Variants in ANK3 observed in about 807,000 individuals in gnomAD.
ANK3 encodes ankyrin 3, also known as ankyrin-3.
A neutral mutation model predicts 370.9 loss-of-function variants in ANK3; 57 were observed. The observed-to-expected ratio is 0.15, with a 90% CI of 0.12 to 0.19. ANK3 has a LOEUF of 0.19. ANK3 is among the 10% of genes least tolerant of loss of function. The pLI is 1.00. For missense variants in ANK3, 4,439 were observed against 5,302.1 expected, an observed-to-expected ratio of 0.84 and a Z score of 5.06; for synonymous variants, 1,929 against 1,946.3, an observed-to-expected ratio of 0.99 and a Z score of 0.23.
Position 60,075,779 on chromosome 10 carries a change from G to A in ANK3, c.5102C>T (p.Ser1701Leu). Residue 1701 changes from serine (S) to leucine (L), a missense_variant, in exon 37 of 44, where the codon TCA (serine) becomes TTA (leucine). By Grantham distance (145) the Ser-to-Leu change is moderately radical. Coordinates refer to ENST00000280772, the MANE Select transcript of ANK3 (RefSeq NM_020987.5). ...TCCAGGCATCTGCTTCACAGGTGAT[G>A]AGAGAGAAGATGCCATTGTAATTTT... is the stretch of plus-strand genomic sequence containing the variant. ...SAKITMASSL[S>L]SPVKQMPGHA... 6.2e-7 allele frequency: 1 copy of A among 1,614,164 alleles called. No homozygotes were observed.
At chr10:60,264,548 C>G (rs2097851612) in intron 5 of ANK3, among the ~76,000 whole-genome samples, 1 of 149,638 alleles carries the variant, frequency 6.7e-6, no homozygotes. Flanking sequence ...GAGGCTGAGA[C>G]AGAGGAATAG....
intron 18 of ANK3, among the ~76,000 whole-genome samples, chr10:60,177,248 C>A (rs1052862049): frequency 5.3e-5 from 8 of 152,270 alleles, no homozygotes; most frequent in African/African-American, 1.9e-4. Flanking sequence ...TTGGTTTGCG[C>A]CACACTTTTC....
intron 16 of ANK3, among the ~76,000 whole-genome samples, chr10:60,191,673 T>G (rs574965280): frequency 6.6e-6 from 1 of 152,282 alleles, no homozygotes; most frequent in South Asian, 2.1e-4. Flanking sequence ...TAAGGAGATA[T>G]CTCAAAGAAC....
intron 30 of ANK3, chr10:60,086,418 C>A: frequency 2.9e-6 from 1 of 339,922 alleles, no homozygotes; most frequent in Non-Finnish European, 5.2e-6. Context: ...TCTACTAATG[C>A]TAACCTTAAT....
intron 1 of ANK3, among the ~76,000 whole-genome samples, chr10:60,351,279 G>A (rs1234183610): frequency 6.6e-6 from 1 of 152,120 alleles, no homozygotes; most frequent in Non-Finnish European, 1.5e-5. Context: ...TTCTTTGGGG[G>A]CAATCACTCA....
chr10:60,173,869 G>A (rs1040394869), intron 18 of ANK3, among the ~76,000 whole-genome samples: 1 of 152,164 alleles, frequency 6.6e-6, no homozygotes, highest in Non-Finnish European at 1.5e-5. Flanking sequence ...CTCTGTGTGT[G>A]TATATGTGTG....
intron 27 of ANK3, among the ~76,000 whole-genome samples, chr10:60,107,764 C>T (rs970413369): frequency 1.2e-4 from 18 of 152,144 alleles, no homozygotes; most frequent in East Asian, 7.7e-4. Context: ...CACACACATG[C>T]GCACGCGCAC....
chr10:60,409,426 T>TA (rs1178591260), intron 2 of ANK3, among the ~76,000 whole-genome samples: 2 of 152,230 alleles, frequency 1.3e-5, no homozygotes, highest in African/African-American at 4.8e-5. Context: ...ATCATTTGTT[T>TA]AAAAAACAAT....
chr10:60,615,121 T>A, intron 2 of ANK3: 1 of 1,070,746 alleles, frequency 9.3e-7, no homozygotes, highest in South Asian at 1.7e-5. Flanking sequence ...ATGTTTATAA[T>A]TGTAAGAAGA....
intron 43 of ANK3, among the ~76,000 whole-genome samples, chr10:60,036,981 G>A (rs919834234): frequency 1.3e-5 from 2 of 152,158 alleles, no homozygotes; most frequent in Non-Finnish European, 2.9e-5. Context: ...GTCCAAGCCT[G>A]AATGCCTGTC....
At chr10:60,620,110 A>G (rs915466564) in intron 1 of ANK3, among the ~76,000 whole-genome samples, 1 of 152,208 alleles carries the variant, frequency 6.6e-6, no homozygotes, top group African/African-American at 2.4e-5. Context: ...TATAATAACT[A>G]TATACCATCT....
intron 2 of ANK3, among the ~76,000 whole-genome samples, chr10:60,415,281 G>C (rs531667854): frequency 2.0e-5 from 3 of 152,278 alleles, no homozygotes; most frequent in African/African-American, 7.2e-5. Flanking sequence ...CCCAGAGGCC[G>C]AGGGAGGAAA....
chr10:60,715,079 T>C (rs1016126944), intron 1 of ANK3, among the ~76,000 whole-genome samples: 2 of 152,110 alleles, frequency 1.3e-5, no homozygotes, highest in Non-Finnish European at 2.9e-5. Context: ...TGTATGGGGT[T>C]AGGGGAGGTG....
At chr10:60,371,486 TA>T (rs1411761663) in intron 1 of ANK3, among the ~76,000 whole-genome samples, 1 of 152,212 alleles carries the variant, frequency 6.6e-6, no homozygotes, top group African/African-American at 2.4e-5. Context: ...AAGCATGTTT[TA>T]TTTTTTTGTA....
intron 2 of ANK3, among the ~76,000 whole-genome samples, chr10:60,534,258 T>G (rs1892546): frequency 0.71 from 107,810 of 151,972 alleles, 38,346 homozygotes; most frequent in South Asian, 0.88. Flanking sequence ...AGTGCAATGG[T>G]TGGCACGTCC....
At chr10:60,453,762 A>G (rs1003242104) in intron 2 of ANK3, among the ~76,000 whole-genome samples, 1 of 152,124 alleles carries the variant, frequency 6.6e-6, no homozygotes, top group Non-Finnish European at 1.5e-5. Context: ...ACACACACAC[A>G]GAGTGTGTGT....
intron 25 of ANK3, among the ~76,000 whole-genome samples, chr10:60,131,376 G>A (rs1246919700): frequency 6.6e-6 from 1 of 152,178 alleles, no homozygotes; most frequent in Non-Finnish European, 1.5e-5. Flanking sequence ...TGGGTATTCT[G>A]TGCTCATTAA....
chr10:60,036,467 G>T, intron 43 of ANK3, among the ~76,000 whole-genome samples: 1 of 102,702 alleles, frequency 9.7e-6, no homozygotes. Context: ...ACGGAGTCTT[G>T]CTCTGTCGCC....
chr10:60,684,731 T>C (rs2079245652), intron 1 of ANK3: 44 of 1,584,766 alleles, frequency 2.8e-5, no homozygotes, highest in East Asian at 4.5e-5. Flanking sequence ...TTCGGGGATG[T>C]AGGTGGTCAG....
Sources: allele counts gnomAD v4.1 joint callset (sites outside exome capture counted in the v4.1 genomes callset), GRCh38; gene constraint gnomAD v4.1.1; transcripts MANE v1.5; gene names NCBI Gene and HGNC (gene_info 2026-07-23, HGNC 2026-07-21).